Variants in GPN2 observed in about 807,000 individuals in gnomAD.
GPN2 encodes the protein ATP-binding domain 1 family member B.
A neutral mutation model predicts 30.1 loss-of-function variants in GPN2; 27 were observed. The observed-to-expected ratio is 0.90, with a 90% CI of 0.66 to 1.24. GPN2 has a LOEUF of 1.24. Ranked by LOEUF, GPN2 falls within the 50% of genes most tolerant of loss-of-function variation. The probability of loss-of-function intolerance (pLI) is 0.00; values close to 1 mark genes in which losing one functional copy is unlikely to be tolerated. For synonymous variants in GPN2, 212 were observed against 174.4 expected, an observed-to-expected ratio of 1.22 and a Z score of -1.70; for missense variants, 406 against 405.4, an observed-to-expected ratio of 1.00 and a Z score of -0.01.
At chr1:26,889,328 C>G (rs934595859) in intron 1 of GPN2, among the ~76,000 whole-genome samples, 1 of 152,096 alleles carries the variant, frequency 6.6e-6, no homozygotes, top group African/African-American at 2.4e-5. Flanking sequence ...CACTGAGCCT[C>G]CCAGTGGGCA....
At chr1:26,888,152 G>A (rs746823637) in intron 2 of GPN2, among the ~76,000 whole-genome samples, 15 of 152,002 alleles carry the variant, frequency 9.9e-5, no homozygotes, top group Non-Finnish European at 2.1e-4. Context: ...GAGCCACCAC[G>A]CCCAGCCGAG....
At chr1:26,885,008 T>C (rs758411072) in intron 3 of GPN2, among the ~76,000 whole-genome samples, 4 of 152,146 alleles carry the variant, frequency 2.6e-5, no homozygotes, top group Admixed American at 6.6e-5. Flanking sequence ...AAAAAAAAAC[T>C]ATAACTGTTT....
At position 26,888,973 on chromosome 1, in the gene GPN2, C is replaced by A. The variant is rs1370241206; in HGVS notation, c.564G>T (p.Lys188Asn). Reference protein sequence around the residue: ...SKMDLIEHYGKLAFNLDYYTE... With the variant: ...SKMDLIEHYGNLAFNLDYYTE... The stretch of plus-strand genomic sequence containing the variant: ...GCCTGGAACAGAAGCTCTTACCCAG[C>A]TTCCCATAATGCTCAATGAGGTCCA... The change falls in exon 2 of 5, where the codon AAG becomes AAT. Residue 188 changes from lysine to asparagine, a missense_variant. Transcript: ENST00000374135. 3.7e-6 allele frequency: 6 copies of A among 1,614,210 alleles called. No individual in the cohort carries two copies. The highest frequency in any genetic ancestry group is 5.1e-6 in the Non-Finnish European group (6 of 1,180,006).
At position 26,878,473 on chromosome 1, in the gene GPN2, G is replaced by T. The variant is rs954595335; in HGVS notation, c.*1204C>A. ...ATTTTTATGTTTTTAGTAGAGAGGG[G>T]TTTCACCATGTTGGCCAGGCTGGTC... On this transcript the variant is annotated 3_prime_UTR_variant, in exon 5 of 5. Transcript: ENST00000374135. The T allele has an allele frequency of 6.6e-6, 1 of 151,992 alleles. No homozygotes were observed. The highest frequency in any genetic ancestry group is 2.4e-5 in the African/African-American group (1 of 41,386). 9.4% of individuals were successfully genotyped at this position (151,992 alleles called of 1,614,324 possible). A position where few individuals can be genotyped will look rare whatever the true frequency, so the allele number is the denominator to read the frequency against.
intron 3 of GPN2, among the ~76,000 whole-genome samples, chr1:26,884,795 A>T (rs2081882554): frequency 6.6e-6 from 1 of 152,222 alleles, no homozygotes; most frequent in Admixed American, 6.5e-5. Flanking sequence ...CAGCCTGGCC[A>T]ACATGGTGAA....
At chr1:26,888,232 C>G (rs1011247013) in intron 2 of GPN2, among the ~76,000 whole-genome samples, 1 of 152,132 alleles carries the variant, frequency 6.6e-6, no homozygotes, top group Admixed American at 6.6e-5. Flanking sequence ...TCATACCAGC[C>G]TGCTTCTACC....
At position 26,890,204 on chromosome 1, in the gene GPN2, G is replaced by A. The variant is rs913806557; in HGVS notation, c.-108C>T. On this transcript the variant is annotated 5_prime_UTR_variant, in exon 1 of 5. Coordinates refer to ENST00000374135, the MANE Select transcript of GPN2 (RefSeq NM_018066.4). Reference sequence around the variant, plus strand: ...GTCCCAGTACGTATACCTCGTTGGCGGCCAGCGTCACTCGCCTCAGGCGGA... The same window carrying A: ...GTCCCAGTACGTATACCTCGTTGGCAGCCAGCGTCACTCGCCTCAGGCGGA... 4 of 998,854 alleles carry A rather than the reference G, an allele frequency of 4.0e-6. No individual in the cohort carries two copies. Among genetic ancestry groups the A allele is most frequent in the East Asian group, 5.4e-5 (2 of 36,848 alleles). 61.9% of individuals were successfully genotyped at this position (998,854 alleles called of 1,614,324 possible). A position where few individuals can be genotyped will look rare whatever the true frequency, so the allele number is the denominator to read the frequency against.
At chr1:26,879,829 G>A (rs2081855835) in intron 4 of GPN2, 80 bp from the exon 5 acceptor site, 1 of 867,436 alleles carries the variant, frequency 1.2e-6, no homozygotes, top group African/African-American at 1.7e-5. Flanking sequence ...TTCCGCTGAT[G>A]CCTACACTCC....
intron 4 of GPN2, among the ~76,000 whole-genome samples, chr1:26,880,919 A>G (rs1463879001): frequency 6.6e-6 from 1 of 152,198 alleles, no homozygotes; most frequent in Admixed American, 6.5e-5. Flanking sequence ...GCCTCCATAA[A>G]GCTTTCCTTA....
intron 4 of GPN2, among the ~76,000 whole-genome samples, chr1:26,882,518 G>A (rs930838547): frequency 2.6e-5 from 4 of 152,040 alleles, no homozygotes; most frequent in East Asian, 1.9e-4. Flanking sequence ...CTCCAACCCC[G>A]ACCCCATGAG....
Position 26,884,568 on chromosome 1 carries a change from C to T in GPN2, c.730-278G>A, listed in dbSNP as rs113001597. Among the ~76,000 whole-genome samples the T allele has an allele frequency of 2.6e-5, 4 of 152,320 alleles. 1 individual carries two copies. Among genetic ancestry groups the T allele is most frequent in the African/African-American group, 9.6e-5 (4 of 41,564 alleles). ...CTGCCATGTAATAAACGCCTATTAA[C>T]TCACCTGCCTCCCCTACTCAACTAA... is the stretch of plus-strand genomic sequence containing the variant. On this transcript the variant is annotated intron_variant, in intron 3 of 4. Coordinates refer to ENST00000374135, the MANE Select transcript of GPN2 (RefSeq NM_018066.4).
chr1:26,889,137 T>G lies in GPN2; in HGVS notation c.412-12A>C, dbSNP rs374125134. On this transcript the variant is annotated splice_polypyrimidine_tract_variant and intron_variant, in intron 1 of 4. Transcript: ENST00000374135. ...TGGACGGCAGTCAGCTGGGAGGGAA[T>G]AGACAGGGTGAGAGTGGCCTGGAGA... 11 of 1,607,908 alleles carry G rather than the reference T, an allele frequency of 6.8e-6. No homozygotes were observed. The highest frequency in any genetic ancestry group is 7.7e-6 in the Non-Finnish European group (9 of 1,174,900).
intron 4 of GPN2, among the ~76,000 whole-genome samples, 196 bp from the exon 5 acceptor site, chr1:26,879,945 C>T (rs1374193076): frequency 6.6e-6 from 1 of 152,204 alleles, no homozygotes; most frequent in African/African-American, 2.4e-5. Context: ...CTCTTCCACA[C>T]ACTGCTGCGG....
At chr1:26,880,325 T>G (rs1219856461) in intron 4 of GPN2, among the ~76,000 whole-genome samples, 2 of 152,198 alleles carry the variant, frequency 1.3e-5, no homozygotes, top group Non-Finnish European at 2.9e-5. Flanking sequence ...TTCTTTTTCT[T>G]TTTTTTGAGA....
In GPN2 at chr1:26,889,724, G is replaced by T. The variant is rs1294928013; in HGVS notation, c.373C>A (p.Arg125Ser). The T allele has an allele frequency of 6.2e-7, 1 of 1,601,904 alleles. No homozygotes were observed. The highest frequency in any genetic ancestry group is 8.5e-7 in the Non-Finnish European group (1 of 1,172,842). Residue 125 changes from arginine to serine, a missense_variant, in exon 1 of 5, where the codon CGC becomes AGC. By Grantham distance (110) the Arg-to-Ser change is moderately radical. Transcript: ENST00000374135. Reference protein sequence around the residue: ...VELCTHHGALRSIFSQMAQWD... With the variant: ...VELCTHHGALSSIFSQMAQWD... ...TGCGCCATTTGGGAGAAGATGCTGC[G>T]CAAGGCGCCGTGATGCGTGCAGAGC...
In GPN2 at chr1:26,889,750, T is replaced by A. The variant is rs1372210639; in HGVS notation, c.347A>T (p.Glu116Val). Residue 116 changes from glutamate to valine, a missense_variant, in exon 1 of 5, where the codon GAG (glutamate) becomes GTG (valine). Glu to Val is a moderately radical substitution (Grantham distance 121). Transcript: ENST00000374135. ...CAAGGCGCCGTGATGCGTGCAGAGC[T>A]CCACCTGGCCTGGGCAGTCGAAGAG... is the stretch of plus-strand genomic sequence containing the variant. ...YFLFDCPGQV[E>V]LCTHHGALRS... is the part of the protein sequence containing the mutation. The A allele has an allele frequency of 6.2e-6, 10 of 1,613,020 alleles. No individual in the cohort carries two copies. Among genetic ancestry groups the A allele is most frequent in the Non-Finnish European group, 8.5e-6 (10 of 1,179,612 alleles).
At chr1:26,883,353 T>G (rs2081873978) in intron 4 of GPN2, among the ~76,000 whole-genome samples, 1 of 152,160 alleles carries the variant, frequency 6.6e-6, no homozygotes, top group Non-Finnish European at 1.5e-5. Context: ...ACTAATGCCC[T>G]CTCATTTCTG....
rs2081878546 is a variant in GPN2, at chr1:26,884,156, A to G, written c.860+4T>C. On this transcript the variant is annotated splice_donor_region_variant and intron_variant, in intron 4 of 4. Coordinates refer to ENST00000374135, the MANE Select transcript of GPN2 (RefSeq NM_018066.4). The stretch of plus-strand genomic sequence containing the variant: ...TGCTATGGCCAGGAAGCTGGCAAGG[A>G]TACGAAGAGAAATGGAAGTCGGCTC... 1 of 1,610,982 alleles carries G rather than the reference A, an allele frequency of 6.2e-7. No homozygotes were observed. The highest frequency in any genetic ancestry group is 1.1e-5 in the South Asian group (1 of 90,646).
In GPN2 at chr1:26,889,821, C is replaced by T; in HGVS notation, c.276G>A (p.Leu92=). The change falls in exon 1 of 5, where the codon CTG becomes CTA. Residue 92 remains leucine, a synonymous_variant. Coordinates refer to ENST00000374135, the MANE Select transcript of GPN2 (RefSeq NM_018066.4). ...GGTCGAGCTTGGCACGCAGCCAGTC[C>T]AGGTTGGCTTCCAGGTACTCCATGC... ...LYCMEYLEAN[L]DWLRAKLDPL... is the part of the protein sequence containing the mutation. The T allele has an allele frequency of 6.2e-7, 1 of 1,613,830 alleles. No individual in the cohort carries two copies. The highest frequency in any genetic ancestry group is 8.5e-7 in the Non-Finnish European group (1 of 1,180,020).
Sources: gnomAD v4.1 joint callset for allele counts (sites outside exome capture counted in the v4.1 genomes callset) on GRCh38, gnomAD v4.1.1 for gene constraint, MANE v1.5 for transcripts, NCBI Gene and HGNC (gene_info 2026-07-23, HGNC 2026-07-21) for gene names.